The following GRIA1 variants were observed in gnomAD, a reference collection of about 807,000 sequenced individuals.
GRIA1 encodes glutamate ionotropic receptor AMPA type subunit 1, also known as glutamate receptor 1.
Under a neutral mutation model 99.2 loss-of-function variants are expected in GRIA1, and 31 were observed. That is an observed-to-expected ratio of 0.31 (90% CI 0.23 to 0.42). The LOEUF is 0.42. Among genes scored for constraint, GRIA1 ranks in the 10% least tolerant of loss-of-function variants. The pLI is 1.00. For synonymous variants in GRIA1, 438 were observed against 432.4 expected (o/e 1.01, Z -0.16); for missense variants, 782 against 1,157.5 (o/e 0.68, Z 4.71).
At chr5:153,759,149 T>C (rs7709205) in intron 11 of GRIA1, among the ~76,000 whole-genome samples, 88,068 of 149,210 alleles carry the variant, frequency 0.59, 26,732 homozygotes, top group East Asian at 0.94. Context: ...CAACCTAGCA[T>C]TGAACTTCAA....
At chr5:153,777,869 T>A (rs1764364234) in intron 13 of GRIA1, among the ~76,000 whole-genome samples, 1 of 152,202 alleles carries the variant, frequency 6.6e-6, no homozygotes, top group Non-Finnish European at 1.5e-5. Context: ...CTGCTGCTGC[T>A]GATAAATACA....
At chr5:153,698,223 G>A (rs556440531) in intron 9 of GRIA1, 69 bp downstream of exon 9, 17 of 836,956 alleles carry the variant, frequency 2.0e-5, no homozygotes, top group Admixed American at 6.0e-5. Flanking sequence ...TTTTCCACCA[G>A]GACTGAAAGC....
intron 8 of GRIA1, 72 bp downstream of exon 8, chr5:153,686,401 C>T: frequency 9.3e-7 from 1 of 1,069,602 alleles, no homozygotes; most frequent in Admixed American, 2.0e-5. Context: ...AGCTGAGGGC[C>T]TGTGAGTCCA....
At chr5:153,757,347 G>A (rs566743912) in intron 11 of GRIA1, among the ~76,000 whole-genome samples, 34 of 152,172 alleles carry the variant, frequency 2.2e-4, no homozygotes, top group African/African-American at 8.2e-4. Flanking sequence ...AAGTTCAAGA[G>A]GGAGAAGAAA....
At chr5:153,751,091 A>T (rs1440672298) in intron 11 of GRIA1, among the ~76,000 whole-genome samples, 2 of 152,102 alleles carry the variant, frequency 1.3e-5, no homozygotes, top group Non-Finnish European at 2.9e-5. Context: ...CAAGAGCGAG[A>T]CTCTGTCAAA....
chr5:153,556,615 T>C lies in GRIA1; in HGVS notation c.220+62550T>C, dbSNP rs142317674. Among the ~76,000 whole-genome samples the C allele has an allele frequency of 3.9e-5, 6 of 152,294 alleles. No individual in the cohort carries two copies. In the East Asian group the frequency reaches 1.2e-3, roughly 29 times the overall value. The stretch of plus-strand genomic sequence containing the variant: ...ATGTGATCTTGGAGACAATATTTTA[T>C]GTTCCTAGTCTCTAGTTTTCCTATT... On this transcript the variant is annotated intron_variant, in intron 2 of 15. Transcript: ENST00000285900.
intron 1 of GRIA1, among the ~76,000 whole-genome samples, chr5:153,493,604 C>G (rs1448959402): frequency 6.6e-6 from 1 of 152,180 alleles, no homozygotes; most frequent in Non-Finnish European, 1.5e-5. Flanking sequence ...AGAATAGCAG[C>G]TCCTAGGTGG....
chr5:153,561,983 C>T (rs1197569091), intron 2 of GRIA1, among the ~76,000 whole-genome samples: 7 of 152,238 alleles, frequency 4.6e-5, no homozygotes, highest in South Asian at 2.1e-4. Context: ...ACACTGATAA[C>T]AACTATGAAT....
chr5:153,535,901 G>T (rs568941239), intron 2 of GRIA1, among the ~76,000 whole-genome samples: 1 of 152,156 alleles, frequency 6.6e-6, no homozygotes, highest in Non-Finnish European at 1.5e-5. Flanking sequence ...AATCTGTCAC[G>T]CTGTCAATGG....
chr5:153,652,333 C>CTA (rs1754633842), intron 4 of GRIA1, among the ~76,000 whole-genome samples: 1 of 152,204 alleles, frequency 6.6e-6, no homozygotes, highest in Non-Finnish European at 1.5e-5. Context: ...GCTATTACTA[C>CTA]TATTTTTTTA....
Position 153,674,664 on chromosome 5 carries a change from G to A in GRIA1, c.861+3G>A, listed in dbSNP as rs1369204462. ...GGGTGGACTGGAAGAGACCCAAGGTGAGTGGATGGGCAGCCAGCAGCAAAG... is the reference window on the plus strand; with the variant it reads ...GGGTGGACTGGAAGAGACCCAAGGTAAGTGGATGGGCAGCCAGCAGCAAAG... On this transcript the variant is annotated splice_donor_region_variant and intron_variant, in intron 6 of 15. Coordinates refer to ENST00000285900, the MANE Select transcript of GRIA1 (RefSeq NM_000827.4). 4 of 1,613,498 alleles carry A rather than the reference G, an allele frequency of 2.5e-6. No homozygotes were observed. The South Asian group carries it at 3.3e-5, about 13-fold the overall frequency.
rs55872840 is a variant in GRIA1 at position 153,566,304 on chromosome 5, C to CTTT, written c.220+72253_220+72255dup. On this transcript the variant is annotated intron_variant, in intron 2 of 15. Coordinates refer to ENST00000285900, the MANE Select transcript of GRIA1 (RefSeq NM_000827.4). Reference sequence around the variant, plus strand: ...GAGAAATAGCTCTCCAATTCCCTGCCTTTTTTTTTTTTTTTTCCAGAGACA... The same window carrying CTTT: ...GAGAAATAGCTCTCCAATTCCCTGCCTTTTTTTTTTTTTTTTTTTCCAGAGACA... Among the ~76,000 whole-genome samples the CTTT allele has an allele frequency of 7.9e-4, 29 of 36,558 alleles. 6 individuals carry two copies. The South Asian group carries it at 0.011, about 14-fold the overall frequency. 24.0% of individuals were successfully genotyped at this position (36,558 alleles called of 152,430 possible).
intron 2 of GRIA1, among the ~76,000 whole-genome samples, chr5:153,546,060 C>T (rs570435609): frequency 1.3e-5 from 2 of 152,214 alleles, no homozygotes; most frequent in Non-Finnish European, 2.9e-5. Flanking sequence ...GCGTGTGTCA[C>T]TGGAAATGCA....
At chr5:153,537,679 A>G (rs1319934928) in intron 2 of GRIA1, among the ~76,000 whole-genome samples, 1 of 152,218 alleles carries the variant, frequency 6.6e-6, no homozygotes. Flanking sequence ...CAGGGTCTCC[A>G]GTGGCTTCAA....
chr5:153,641,563 T>C (rs1021050091), intron 2 of GRIA1, among the ~76,000 whole-genome samples: 4 of 152,214 alleles, frequency 2.6e-5, no homozygotes, highest in Non-Finnish European at 4.4e-5. Flanking sequence ...GGACACGCTC[T>C]GCTACAGAGT....
chr5:153,518,378 T>A (rs1185380386), intron 2 of GRIA1, among the ~76,000 whole-genome samples: 1 of 152,230 alleles, frequency 6.6e-6, no homozygotes, highest in East Asian at 1.9e-4. Context: ...AGTCTGGGGT[T>A]AGCACAGACT....
At chr5:153,608,131 T>C (rs1369812542) in intron 2 of GRIA1, among the ~76,000 whole-genome samples, 1 of 152,214 alleles carries the variant, frequency 6.6e-6, no homozygotes. Context: ...GCTTTATTGT[T>C]GATCTTTTGA....
chr5:153,774,909 G>A (rs1378480053), intron 13 of GRIA1, among the ~76,000 whole-genome samples: 1 of 152,212 alleles, frequency 6.6e-6, no homozygotes, highest in African/African-American at 2.4e-5. Context: ...CTCTGATGAA[G>A]CAAGGTGGTT....
At chr5:153,693,569 C>T (rs1204614869) in intron 8 of GRIA1, among the ~76,000 whole-genome samples, 2 of 152,126 alleles carry the variant, frequency 1.3e-5, no homozygotes, top group Non-Finnish European at 2.9e-5. Context: ...CTATGATCAT[C>T]TCCTTTTAAG....
Sources: allele counts gnomAD v4.1 joint callset (sites outside exome capture counted in the v4.1 genomes callset), GRCh38; gene constraint gnomAD v4.1.1; transcripts MANE v1.5; gene names NCBI Gene and HGNC (gene_info 2026-07-23, HGNC 2026-07-21).